The following NOX4 variants were observed in gnomAD, a reference collection of about 807,000 sequenced individuals.
NOX4 encodes the protein NADPH oxidase 4.
In NOX4, 69 loss-of-function variants were observed where a neutral mutation model predicts 87.6. The observed-to-expected ratio is 0.79, with a 90% CI of 0.65 to 0.96. The LOEUF is 0.96. NOX4 is among the 40% of genes least tolerant of loss of function. The pLI, the probability that NOX4 is intolerant of heterozygous loss-of-function variation, is 0.00. For missense variants in NOX4, 680 were observed against 681.5 expected (o/e 1.00, Z 0.02); for synonymous variants, 275 against 238.2 (o/e 1.15, Z -1.42).
chr11:89,487,871 C>T (rs1946693406), intron 2 of NOX4, among the ~76,000 whole-genome samples: 1 of 152,088 alleles, frequency 6.6e-6, no homozygotes, highest in African/African-American at 2.4e-5. Context: ...TAATGCAACA[C>T]TTATTATAAG....
At chr11:89,417,716 T>A (rs1316215175) in intron 8 of NOX4, among the ~76,000 whole-genome samples, 3 of 152,104 alleles carry the variant, frequency 2.0e-5, no homozygotes, top group African/African-American at 7.2e-5. Flanking sequence ...GTGTCATTCT[T>A]ACAAAGCTAT....
intron 2 of NOX4, among the ~76,000 whole-genome samples, chr11:89,488,271 T>C (rs573486225): frequency 3.9e-4 from 59 of 152,042 alleles, no homozygotes; most frequent in Non-Finnish European, 8.1e-4. Context: ...TTTTATCATT[T>C]TTTTTCTTCA....
the NOX4 span, among the ~76,000 whole-genome samples, chr11:89,555,357 A>G: frequency 6.6e-6 from 1 of 152,062 alleles, no homozygotes; most frequent in Admixed American, 6.6e-5. Flanking sequence ...GTGGTAGTGA[A>G]CACCTATAGT....
intron 2 of NOX4, among the ~76,000 whole-genome samples, chr11:89,481,627 T>C (rs1475565272): frequency 6.6e-6 from 1 of 152,114 alleles, no homozygotes; most frequent in Admixed American, 6.6e-5. Context: ...TCTCCAGAAT[T>C]ACTTAGGCAA....
At chr11:89,580,769 G>A in the NOX4 span, among the ~76,000 whole-genome samples, 3 of 152,112 alleles carry the variant, frequency 2.0e-5, no homozygotes, top group Non-Finnish European at 4.4e-5. Flanking sequence ...TATGGTTCCT[G>A]CACAGAGTCC....
intron 2 of NOX4, among the ~76,000 whole-genome samples, chr11:89,470,116 A>G (rs1945866140): frequency 6.6e-6 from 1 of 151,806 alleles, no homozygotes; most frequent in Admixed American, 6.6e-5. Flanking sequence ...ACCTACCCCA[A>G]AGGGTTATTG....
At chr11:89,469,743 A>G (rs764423641) in intron 2 of NOX4, among the ~76,000 whole-genome samples, 2 of 152,180 alleles carry the variant, frequency 1.3e-5, no homozygotes, top group Non-Finnish European at 2.9e-5. Context: ...CCGTATTTTT[A>G]CACTTTCTTA....
intron 13 of NOX4, among the ~76,000 whole-genome samples, chr11:89,348,852 C>T (rs1333723217): frequency 6.6e-6 from 1 of 152,164 alleles, no homozygotes; most frequent in Non-Finnish European, 1.5e-5. Flanking sequence ...GCATTTACCT[C>T]TTTGAATCTC....
At chr11:89,429,265 C>G (rs2135299185) in intron 7 of NOX4, among the ~76,000 whole-genome samples, 1 of 152,208 alleles carries the variant, frequency 6.6e-6, no homozygotes, top group Middle Eastern at 3.4e-3. Flanking sequence ...CAGGAAAGAT[C>G]TAAAATTGAC....
intron 8 of NOX4, among the ~76,000 whole-genome samples, chr11:89,419,635 T>G (rs1325362896): frequency 6.6e-6 from 1 of 151,904 alleles, no homozygotes; most frequent in Non-Finnish European, 1.5e-5. Context: ...GTTTAATAAT[T>G]GATTGATTAT....
At chr11:89,363,428 A>G (rs1187587090) in intron 12 of NOX4, among the ~76,000 whole-genome samples, 1 of 152,134 alleles carries the variant, frequency 6.6e-6, no homozygotes, top group African/African-American at 2.4e-5. Context: ...TTTGTCACAT[A>G]CTGTGAACAA....
chr11:89,418,798 G>A (rs1449111123), intron 8 of NOX4, among the ~76,000 whole-genome samples: 1 of 151,938 alleles, frequency 6.6e-6, no homozygotes, highest in Non-Finnish European at 1.5e-5. Flanking sequence ...TTGCAGAGGA[G>A]CTTAAAAGAG....
At chr11:89,384,840 G>T (rs2097093) in intron 11 of NOX4, among the ~76,000 whole-genome samples, 2 of 151,890 alleles carry the variant, frequency 1.3e-5, no homozygotes, top group Admixed American at 1.3e-4. Flanking sequence ...GCTGGCCCCC[G>T]CATTATTTCA....
At chr11:89,574,217 C>A in the NOX4 span, among the ~76,000 whole-genome samples, 2 of 152,138 alleles carry the variant, frequency 1.3e-5, no homozygotes, top group Non-Finnish European at 2.9e-5. Context: ...TCATGCCTGT[C>A]TAACTACCTG....
intron 11 of NOX4, among the ~76,000 whole-genome samples, chr11:89,386,975 T>C (rs982866821): frequency 6.6e-6 from 1 of 152,042 alleles, no homozygotes; most frequent in Non-Finnish European, 1.5e-5. Context: ...ACGACAAATG[T>C]TTCTTCTAAC....
At chr11:89,360,154 G>A (rs1223837424) in intron 12 of NOX4, among the ~76,000 whole-genome samples, 2 of 151,868 alleles carry the variant, frequency 1.3e-5, no homozygotes, top group Non-Finnish European at 2.9e-5. Context: ...CCATAATATC[G>A]ATATTATTTC....
At chr11:89,496,682 A>G (rs1946956430), upstream of NOX4, among the ~76,000 whole-genome samples, 1 of 152,224 alleles carries the variant, frequency 6.6e-6, no homozygotes, top group South Asian at 2.1e-4. Context: ...CAACAGTCAC[A>G]GAAATACATT....
chr11:89,532,709 A>T, the NOX4 span, among the ~76,000 whole-genome samples: 7 of 152,128 alleles, frequency 4.6e-5, no homozygotes. Context: ...GGGCAGAATG[A>T]TATGATTTTG....
At chr11:89,507,742 A>G in the NOX4 span, among the ~76,000 whole-genome samples, 64 of 151,888 alleles carry the variant, frequency 4.2e-4, no homozygotes, top group Non-Finnish European at 7.7e-4. Context: ...TGCAGTACCC[A>G]GCCTAGTAGT....
Sources: allele counts gnomAD v4.1 joint callset (sites outside exome capture counted in the v4.1 genomes callset), GRCh38; gene constraint gnomAD v4.1.1; transcripts MANE v1.5; gene names NCBI Gene and HGNC (gene_info 2026-07-23, HGNC 2026-07-21).